Variants in DNM3 observed in about 807,000 individuals in gnomAD.
DNM3 encodes the protein dynamin 3.
Under a neutral mutation model 101.6 loss-of-function variants are expected in DNM3, and 47 were observed. The observed-to-expected ratio is 0.46, with a 90% CI of 0.37 to 0.59. The LOEUF (loss-of-function observed/expected upper bound fraction) is 0.59, where lower values mean the gene tolerates loss of function less well. Among genes scored for constraint, DNM3 ranks in the 20% least tolerant of loss-of-function variants. DNM3 has a pLI of 0.00. For missense variants in DNM3, 849 were observed against 1,085.7 expected, an observed-to-expected ratio of 0.78 and a Z score of 3.06; for synonymous variants, 385 against 387.9, an observed-to-expected ratio of 0.99 and a Z score of 0.09.
chr1:172,093,292 C>T (rs2054034778), intron 13 of DNM3, among the ~76,000 whole-genome samples: 1 of 152,128 alleles, frequency 6.6e-6, no homozygotes, highest in African/African-American at 2.4e-5. Context: ...AGGGACAGCT[C>T]ATGAAGAACG....
At chr1:172,404,165 T>C (rs1195460043) in intron 20 of DNM3, among the ~76,000 whole-genome samples, 1 of 152,138 alleles carries the variant, frequency 6.6e-6, no homozygotes, top group Admixed American at 6.6e-5. Flanking sequence ...TTGGGTTCCT[T>C]TAACTGCAAC....
At chr1:171,849,591 G>T (rs1022711853) in intron 1 of DNM3, among the ~76,000 whole-genome samples, 3 of 152,112 alleles carry the variant, frequency 2.0e-5, no homozygotes, top group African/African-American at 4.8e-5. Flanking sequence ...AAGGCTAATA[G>T]AATATATTTG....
At chr1:172,179,560 T>C (rs1028309085) in intron 14 of DNM3, among the ~76,000 whole-genome samples, 13 of 151,912 alleles carry the variant, frequency 8.6e-5, no homozygotes, top group African/African-American at 3.1e-4. Context: ...AGCTTCTGTA[T>C]AACTTACATG....
intron 4 of DNM3, among the ~76,000 whole-genome samples, chr1:172,031,356 C>T (rs1043848437): frequency 6.6e-6 from 1 of 152,052 alleles, no homozygotes; most frequent in Non-Finnish European, 1.5e-5. Flanking sequence ...ACAATGAGAA[C>T]ACATGGACAC....
At chr1:172,093,957 A>G (rs1241654432) in intron 13 of DNM3, among the ~76,000 whole-genome samples, 2 of 152,208 alleles carry the variant, frequency 1.3e-5, no homozygotes, top group African/African-American at 4.8e-5. Flanking sequence ...AAACTCTAAA[A>G]TGCTGTAATA....
chr1:171,994,775 C>T (rs1425601933), intron 4 of DNM3, among the ~76,000 whole-genome samples: 5 of 151,494 alleles, frequency 3.3e-5, no homozygotes, highest in Admixed American at 2.0e-4. Flanking sequence ...TGAACAATTG[C>T]CACTGATTAT....
intron 15 of DNM3, among the ~76,000 whole-genome samples, chr1:172,287,125 A>G (rs905286293): frequency 1.3e-5 from 2 of 152,228 alleles, no homozygotes; most frequent in Non-Finnish European, 2.9e-5. Context: ...CAAGAGCTGA[A>G]GTCCCTTCAA....
chr1:171,866,351 T>G (rs183449195), intron 1 of DNM3, among the ~76,000 whole-genome samples: 2 of 152,212 alleles, frequency 1.3e-5, no homozygotes, highest in East Asian at 3.9e-4. Context: ...TCCATTTCTT[T>G]TGTACATCAT....
Position 172,407,818 on chromosome 1 carries a change from C to T in DNM3, c.2569C>T (p.Leu857=), listed in dbSNP as rs1205521148. ...SPTRPTIIRP[L]ESSLLD is the part of the protein sequence containing the mutation. ...AACTCGTCCCACTATAATCCGCCCA[C>T]TAGAATCCTCCCTGTTAGACTAAAC... The change falls in exon 21 of 21, where the codon CTA becomes TTA. Residue 857 remains leucine, a synonymous_variant. Coordinates refer to ENST00000627582, the MANE Select transcript of DNM3 (RefSeq NM_015569.5). The T allele has an allele frequency of 6.2e-7, 1 of 1,613,182 alleles. No individual in the cohort carries two copies. Among genetic ancestry groups the T allele is most frequent in the Non-Finnish European group, 8.5e-7 (1 of 1,179,376 alleles).
chr1:172,053,492 A>G (rs1029297979), intron 10 of DNM3, among the ~76,000 whole-genome samples: 5 of 151,902 alleles, frequency 3.3e-5, no homozygotes, highest in African/African-American at 1.2e-4. Context: ...CTTGAGATTT[A>G]TTTGTATGTA....
chr1:171,963,464 A>G (rs771135889), intron 2 of DNM3, among the ~76,000 whole-genome samples: 3 of 152,148 alleles, frequency 2.0e-5, no homozygotes, highest in Non-Finnish European at 1.5e-5. Context: ...AACATTTGTC[A>G]AAACCCATAG....
chr1:171,878,804 G>T (rs1183945762), intron 1 of DNM3, among the ~76,000 whole-genome samples: 1 of 151,900 alleles, frequency 6.6e-6, no homozygotes, highest in Non-Finnish European at 1.5e-5. Context: ...CTACTTCAAT[G>T]AATGTATTTC....
At chr1:171,964,199 C>T (rs903165685) in intron 2 of DNM3, among the ~76,000 whole-genome samples, 5 of 152,164 alleles carry the variant, frequency 3.3e-5, no homozygotes, top group African/African-American at 1.2e-4. Context: ...ATGCTGTTCC[C>T]TTTCCAGGTC....
intron 6 of DNM3, among the ~76,000 whole-genome samples, chr1:172,033,587 CT>C (rs1171182303): frequency 2.0e-5 from 3 of 152,086 alleles, no homozygotes; most frequent in Non-Finnish European, 4.4e-5. Context: ...ATTTTTATAG[CT>C]TTGAAAAGTT....
chr1:172,041,929 G>A, intron 7 of DNM3, 80 bp from the exon 8 acceptor site: 2 of 1,459,288 alleles, frequency 1.4e-6, no homozygotes, highest in East Asian at 2.3e-5. Flanking sequence ...GGATTCTAAG[G>A]AATAATCATA....
At chr1:171,845,488 A>G (rs10737338) in intron 1 of DNM3, among the ~76,000 whole-genome samples, 113,796 of 152,226 alleles carry the variant, frequency 0.75, 43,229 homozygotes, top group African/African-American at 0.9. Flanking sequence ...AGGAGGTCAA[A>G]GCTGTAAGTG....
rs533345273 is a variant in DNM3, at chr1:171,987,422, T to C, written c.236-234T>C. Reference sequence around the variant, plus strand: ...GGCTAGATGGTTTAGGGACTGGTTTTAGTATTTAATTGCTTATCTGAAAAT... The same window carrying C: ...GGCTAGATGGTTTAGGGACTGGTTTCAGTATTTAATTGCTTATCTGAAAAT... On this transcript the variant is annotated intron_variant, in intron 2 of 20. Transcript: ENST00000627582. The C allele has an allele frequency of 5.3e-5, 38 of 715,006 alleles. No homozygotes were observed. The African/African-American group carries it at 7.4e-4, about 14-fold the overall frequency. 44.3% of individuals were successfully genotyped at this position (715,006 alleles called of 1,614,324 possible).
At chr1:172,095,980 G>C (rs1261371774) in intron 13 of DNM3, among the ~76,000 whole-genome samples, 1 of 152,140 alleles carries the variant, frequency 6.6e-6, no homozygotes, top group East Asian at 1.9e-4. Flanking sequence ...TGGGTGTTTA[G>C]AGAAGCATGA....
At chr1:172,044,615 T>C (rs2049630930) in intron 9 of DNM3, among the ~76,000 whole-genome samples, 163 bp downstream of exon 9, 1 of 152,210 alleles carries the variant, frequency 6.6e-6, no homozygotes, top group East Asian at 1.9e-4. Flanking sequence ...GGTAACTTCC[T>C]GTATTGCTGT....
Sources: gnomAD v4.1 joint callset for allele counts (sites outside exome capture counted in the v4.1 genomes callset) on GRCh38, gnomAD v4.1.1 for gene constraint, MANE v1.5 for transcripts, NCBI Gene and HGNC (gene_info 2026-07-23, HGNC 2026-07-21) for gene names.